Variants in DEFB1 observed in about 807,000 individuals in gnomAD.
The protein encoded by DEFB1 is defensin beta 1.
DEFB1 carries 4 observed loss-of-function variants against 2.6 expected under a neutral mutation model. The ratio of observed to expected loss-of-function variants is 1.53; its 90% CI spans 0.76 to 3.51. The LOEUF is 3.51. DEFB1 is among the 30% of genes most tolerant of loss of function. The pLI, the probability that DEFB1 is intolerant of heterozygous loss-of-function variation, is 0.01. For missense variants in DEFB1, 162 were observed against 76.9 expected, an observed-to-expected ratio of 2.11 and a Z score of -4.14; for synonymous variants, 56 against 28.5, an observed-to-expected ratio of 1.96 and a Z score of -3.07.
At chr8:6,874,147 GCACACA>G (rs1215764304) in intron 1 of DEFB1, among the ~76,000 whole-genome samples, 1,288 of 108,734 alleles carry the variant, frequency 0.012, 9 homozygotes, top group Non-Finnish European at 0.014. Context: ...ACACACACAC[GCACACA>G]CACGCACATG....
At chr8:6,876,345 ATG>A (rs1563398557) in intron 1 of DEFB1, among the ~76,000 whole-genome samples, 1 of 152,022 alleles carries the variant, frequency 6.6e-6, no homozygotes, top group Non-Finnish European at 1.5e-5. Flanking sequence ...GCTTGGTGGC[ATG>A]CACCTGTAAT....
chr8:6,875,064 CCACACACACACA>C lies in DEFB1; in HGVS notation c.61+2721_61+2732del, dbSNP rs61101914. 3.8e-4 allele frequency among the ~76,000 whole-genome samples: 51 copies of C among 135,628 alleles called. 1 individual carries two copies. The highest frequency in any genetic ancestry group is 6.6e-4 in the East Asian group (3 of 4,530). The allele number at this position is 135,628 out of a possible 152,430, so 89.0% of individuals were successfully genotyped here. On this transcript the variant is annotated intron_variant, in intron 1 of 1. Transcript: ENST00000297439. ...ACTTGACCGTTACTTCATACCGAAG[CCACACACACACA>C]CACACACACACACACACACACACAC... is the stretch of plus-strand genomic sequence containing the variant.
intron 1 of DEFB1, among the ~76,000 whole-genome samples, chr8:6,875,397 A>T (rs1342124560): frequency 1.3e-5 from 2 of 152,198 alleles, no homozygotes; most frequent in African/African-American, 2.4e-5. Flanking sequence ...TGCATAGAAA[A>T]TACATAAAGA....
chr8:6,875,064 C>CCA (rs61101914), intron 1 of DEFB1, among the ~76,000 whole-genome samples: 5,193 of 135,612 alleles, frequency 0.038, 105 homozygotes, highest in Middle Eastern at 0.062. Context: ...CATACCGAAG[C>CCA]CACACACACA....
intron 1 of DEFB1, among the ~76,000 whole-genome samples, chr8:6,875,295 C>G (rs571828303): frequency 2.6e-5 from 4 of 152,168 alleles, no homozygotes; most frequent in African/African-American, 9.6e-5. Context: ...TGATAAAAGC[C>G]TCTTTTCTAG....
Position 6,870,776 on chromosome 8 carries a change from C to A in DEFB1, c.112G>T (p.Val38Phe), listed in dbSNP as rs2738047. The change falls in exon 2 of 2, where the codon GTC becomes TTC. Residue 38 changes from valine (V) to phenylalanine (F), a missense_variant. By Grantham distance (50) the Val-to-Phe change is conservative (BLOSUM62 -1). Coordinates refer to ENST00000297439, the MANE Select transcript of DEFB1 (RefSeq NM_005218.4). ...LGHRSDHYNC[V>F]SSGGQCLYSA... ...TAGAGACATTGCCCTCCACTGCTGACGCAATTGTAATGATCAGATCTGTGG... is the reference window on the plus strand; with the variant it reads ...TAGAGACATTGCCCTCCACTGCTGAAGCAATTGTAATGATCAGATCTGTGG... The A allele has an allele frequency of 1.8e-4, 287 of 1,614,160 alleles. No individual in the cohort carries two copies. Among genetic ancestry groups the A allele is most frequent in the East Asian group, 6.7e-4 (30 of 44,886 alleles).
At chr8:6,870,854 G>C (rs370588558) in intron 1 of DEFB1, 28 bp from the exon 2 acceptor site, 26 of 1,588,076 alleles carry the variant, frequency 1.6e-5, no homozygotes, top group Non-Finnish European at 2.1e-5. Flanking sequence ...AAACACTTCA[G>C]ACTCATGGCT....
At chr8:6,876,836 ACC>A (rs1291838440) in intron 1 of DEFB1, among the ~76,000 whole-genome samples, 1 of 92,176 alleles carries the variant, frequency 1.1e-5, no homozygotes, top group African/African-American at 5.2e-5. Flanking sequence ...AAAACCAAAA[ACC>A]AAAAACCAAA....
At chr8:6,876,788 G>A (rs1427374001) in intron 1 of DEFB1, among the ~76,000 whole-genome samples, 2 of 146,062 alleles carry the variant, frequency 1.4e-5, no homozygotes, top group Non-Finnish European at 1.5e-5. Context: ...GGGTGACAGA[G>A]TGAGACCCTG....
intron 1 of DEFB1, among the ~76,000 whole-genome samples, chr8:6,873,653 C>G (rs569113564): frequency 6.6e-6 from 1 of 151,474 alleles, no homozygotes; most frequent in Non-Finnish European, 1.5e-5. Flanking sequence ...GGGCTAAACA[C>G]TGAGACACTG....
rs1282985999 is a variant in DEFB1 at position 6,877,867 on chromosome 8, C to T, written c.-10G>A. The T allele has an allele frequency of 2.5e-6, 4 of 1,613,682 alleles. No homozygotes were observed. Among genetic ancestry groups the T allele is most frequent in the Non-Finnish European group, 3.4e-6 (4 of 1,179,768 alleles). ...GGTAGGAAGTTCTCATGGCGACTGG[C>T]AGGCAACACCCAGGATTTCAGGAAC... On this transcript the variant is annotated 5_prime_UTR_variant, in exon 1 of 2. Coordinates refer to ENST00000297439, the MANE Select transcript of DEFB1 (RefSeq NM_005218.4).
intron 1 of DEFB1, among the ~76,000 whole-genome samples, chr8:6,872,533 T>A (rs1370781632): frequency 6.6e-6 from 1 of 152,088 alleles, no homozygotes; most frequent in African/African-American, 2.4e-5. Context: ...CACAGGAGAA[T>A]GAAGAGGTTT....
chr8:6,874,335 T>G (rs1476678951), intron 1 of DEFB1, among the ~76,000 whole-genome samples: 3 of 141,756 alleles, frequency 2.1e-5, no homozygotes, highest in African/African-American at 8.1e-5. Flanking sequence ...AATGCTCTGT[T>G]AAAGCATTTG....
chr8:6,873,208 C>A (rs2978872), intron 1 of DEFB1, among the ~76,000 whole-genome samples: 3 of 152,106 alleles, frequency 2.0e-5, no homozygotes, highest in Non-Finnish European at 4.4e-5. Flanking sequence ...AGTGATGTCC[C>A]CAGAGCATGT....
intron 1 of DEFB1, among the ~76,000 whole-genome samples, chr8:6,872,888 T>C (rs1806373091): frequency 6.6e-6 from 1 of 152,194 alleles, no homozygotes; most frequent in Non-Finnish European, 1.5e-5. Flanking sequence ...CTCCCAGTGC[T>C]GGAAAGATAC....
chr8:6,870,945 A>C, intron 1 of DEFB1, 119 bp from the exon 2 acceptor site: 1 of 1,165,832 alleles, frequency 8.6e-7, no homozygotes, highest in Non-Finnish European at 1.2e-6. Flanking sequence ...TCTTCCAAGA[A>C]ATTGGCCCAT....
intron 1 of DEFB1, among the ~76,000 whole-genome samples, chr8:6,877,255 C>T (rs888920904): frequency 2.0e-5 from 3 of 152,240 alleles, no homozygotes; most frequent in African/African-American, 7.2e-5. Context: ...CTCCTATTGA[C>T]TGGGGAGACT....
At position 6,873,505 on chromosome 8, in the gene DEFB1, CG is replaced by C. The variant is rs201525563; in HGVS notation, c.62-2680del. Among the ~76,000 whole-genome samples the C allele has an allele frequency of 2.4e-3, 368 of 152,246 alleles. 3 individuals are homozygous for C. Among genetic ancestry groups the C allele is most frequent in the African/African-American group, 8.5e-3 (353 of 41,534 alleles). ...AGGCAGCAGCTTCTCAAATTTAAAA[CG>C]GAGGAGACTACGCAGCCATAAAAAA... is the stretch of plus-strand genomic sequence containing the variant. On this transcript the variant is annotated intron_variant, in intron 1 of 1. Coordinates refer to ENST00000297439, the MANE Select transcript of DEFB1 (RefSeq NM_005218.4).
At chr8:6,876,241 C>T (rs1025112800) in intron 1 of DEFB1, among the ~76,000 whole-genome samples, 11 of 152,038 alleles carry the variant, frequency 7.2e-5, no homozygotes, top group Admixed American at 6.6e-4. Flanking sequence ...CTTTGGGAGG[C>T]GGAGGCAGGC....
Sources: allele counts gnomAD v4.1 joint callset (sites outside exome capture counted in the v4.1 genomes callset), GRCh38; gene constraint gnomAD v4.1.1; transcripts MANE v1.5; gene names NCBI Gene and HGNC (gene_info 2026-07-23, HGNC 2026-07-21).